Variants in WDFY2 observed in about 807,000 individuals in gnomAD.
WDFY2 encodes the protein WD repeat and FYVE domain-containing protein 2.
A neutral mutation model predicts 56.4 loss-of-function variants in WDFY2; 36 were observed. The ratio of observed to expected loss-of-function variants is 0.64; its 90% CI spans 0.49 to 0.84. WDFY2 has a LOEUF of 0.84. Ranked by LOEUF, WDFY2 falls within the 40% of genes least tolerant of loss-of-function variation. The pLI is 0.00. For synonymous variants in WDFY2, 176 were observed against 183.7 expected (o/e 0.96, Z 0.34); for missense variants, 444 against 512.2 (o/e 0.87, Z 1.29).
At chr13:51,716,993 T>C (rs950743990) in intron 4 of WDFY2, among the ~76,000 whole-genome samples, 3 of 152,136 alleles carry the variant, frequency 2.0e-5, no homozygotes, top group African/African-American at 7.2e-5. Flanking sequence ...TTACAAAATA[T>C]TCCCAGCAAA....
At chr13:51,710,965 G>A (rs559404487) in intron 4 of WDFY2, among the ~76,000 whole-genome samples, 1 of 152,286 alleles carries the variant, frequency 6.6e-6, no homozygotes, top group African/African-American at 2.4e-5. Flanking sequence ...AACCAAAAAA[G>A]AGCCCGCATT....
intron 8 of WDFY2, among the ~76,000 whole-genome samples, chr13:51,754,350 C>T (rs1953314276): frequency 6.6e-6 from 1 of 152,118 alleles, no homozygotes; most frequent in Non-Finnish European, 1.5e-5. Context: ...ACAGACCTGC[C>T]CTGTATGAGA....
chr13:51,593,529 G>A (rs745348273), intron 1 of WDFY2, among the ~76,000 whole-genome samples: 1 of 152,098 alleles, frequency 6.6e-6, no homozygotes, highest in Non-Finnish European at 1.5e-5. Context: ...ATATGAGAAT[G>A]TTAGTTTTGC....
chr13:51,660,097 G>A (rs189161194), intron 1 of WDFY2, among the ~76,000 whole-genome samples: 15 of 152,242 alleles, frequency 9.9e-5, no homozygotes, highest in African/African-American at 2.4e-4. Flanking sequence ...TGTAGAAGCC[G>A]CAAGTTTAAG....
At chr13:51,739,786 A>G (rs1952926831) in intron 7 of WDFY2, among the ~76,000 whole-genome samples, 1 of 152,160 alleles carries the variant, frequency 6.6e-6, no homozygotes, top group Non-Finnish European at 1.5e-5. Flanking sequence ...CCTGTCTGCT[A>G]AGATTCTGGT....
intron 3 of WDFY2, among the ~76,000 whole-genome samples, chr13:51,679,850 G>A (rs1016999932): frequency 1.3e-5 from 2 of 152,042 alleles, no homozygotes; most frequent in Non-Finnish European, 2.9e-5. Context: ...GCTTGTGAAT[G>A]TGTCTCTCCA....
chr13:51,758,385 C>A, intron 11 of WDFY2, 85 bp downstream of exon 11: 1 of 1,014,208 alleles, frequency 9.9e-7, no homozygotes, highest in Non-Finnish European at 1.5e-6. Context: ...AGGCACTGTT[C>A]TAAAGGTTAT....
intron 1 of WDFY2, among the ~76,000 whole-genome samples, chr13:51,634,374 A>G (rs984462854): frequency 2.0e-5 from 3 of 152,096 alleles, no homozygotes; most frequent in African/African-American, 7.2e-5. Context: ...CTGATTCATG[A>G]TAAATACTCA....
chr13:51,661,759 C>T (rs1356638199), intron 2 of WDFY2, among the ~76,000 whole-genome samples: 1 of 152,126 alleles, frequency 6.6e-6, no homozygotes, highest in Non-Finnish European at 1.5e-5. Flanking sequence ...CCAAGCTGAA[C>T]AAAGTATTCA....
chr13:51,667,537 A>G (rs1955728656), intron 2 of WDFY2, among the ~76,000 whole-genome samples: 1 of 152,146 alleles, frequency 6.6e-6, no homozygotes, highest in Admixed American at 6.5e-5. Flanking sequence ...GATATTTCCA[A>G]TTATGAACTT....
chr13:51,753,089 A>G (rs1201720141), intron 8 of WDFY2: 1 of 152,258 alleles, frequency 6.6e-6, no homozygotes, highest in East Asian at 1.9e-4. Context: ...GGATGGAGTC[A>G]TCATTGGCTA....
At chr13:51,652,096 G>A (rs1955401252) in intron 1 of WDFY2, among the ~76,000 whole-genome samples, 1 of 152,094 alleles carries the variant, frequency 6.6e-6, no homozygotes, top group South Asian at 2.1e-4. Flanking sequence ...TCCTGTATTG[G>A]GTGCATATAT....
chr13:51,661,819 C>T (rs1002368947), intron 2 of WDFY2, among the ~76,000 whole-genome samples: 1 of 152,140 alleles, frequency 6.6e-6, no homozygotes, highest in African/African-American at 2.4e-5. Context: ...ATGCTATATC[C>T]TTCCTTTACC....
chr13:51,608,332 C>G (rs1954422579), intron 1 of WDFY2, among the ~76,000 whole-genome samples: 1 of 152,160 alleles, frequency 6.6e-6, no homozygotes, highest in African/African-American at 2.4e-5. Context: ...TGAACTATTC[C>G]TGCATCCTAT....
At chr13:51,706,324 A>T (rs1441923976) in intron 4 of WDFY2, among the ~76,000 whole-genome samples, 1 of 152,224 alleles carries the variant, frequency 6.6e-6, no homozygotes. Context: ...TACACATATA[A>T]TCTGTCATTG....
intron 3 of WDFY2, among the ~76,000 whole-genome samples, chr13:51,689,166 G>T (rs1049820445): frequency 1.3e-5 from 2 of 152,168 alleles, no homozygotes; most frequent in African/African-American, 4.8e-5. Flanking sequence ...CCTCTTGGGA[G>T]GGATATTATT....
intron 1 of WDFY2, among the ~76,000 whole-genome samples, chr13:51,651,819 A>G (rs1029774891): frequency 6.6e-6 from 1 of 152,208 alleles, no homozygotes; most frequent in African/African-American, 2.4e-5. Context: ...TTTACTTCCA[A>G]CTATGTGGTC....
intron 7 of WDFY2, among the ~76,000 whole-genome samples, chr13:51,742,451 G>C (rs1331704569): frequency 6.6e-6 from 1 of 152,002 alleles, no homozygotes; most frequent in Admixed American, 6.6e-5. Flanking sequence ...AAAAAAAAAG[G>C]TTCCAGATTC....
chr13:51,648,370 G>C (rs1432216538), intron 1 of WDFY2, among the ~76,000 whole-genome samples: 1 of 152,138 alleles, frequency 6.6e-6, no homozygotes, highest in Non-Finnish European at 1.5e-5. Context: ...AGGTAGGTTG[G>C]GGTGGCCATG....
Sources: allele counts gnomAD v4.1 joint callset (sites outside exome capture counted in the v4.1 genomes callset), GRCh38; gene constraint gnomAD v4.1.1; transcripts MANE v1.5; gene names NCBI Gene and HGNC (gene_info 2026-07-23, HGNC 2026-07-21).